Variants in ARSK observed in about 807,000 individuals in gnomAD.
ARSK encodes arylsulfatase family member K.
In ARSK, 37 loss-of-function variants were observed where a neutral mutation model predicts 53.2. The observed-to-expected ratio is 0.70, with a 90% CI of 0.54 to 0.92. The LOEUF is 0.92. ARSK is among the 40% of genes least tolerant of loss of function. The probability of loss-of-function intolerance (pLI) is 0.00; values close to 1 mark genes in which losing one functional copy is unlikely to be tolerated. For missense variants in ARSK, 613 were observed against 643.0 expected, an observed-to-expected ratio of 0.95 and a Z score of 0.51; for synonymous variants, 208 against 223.2, an observed-to-expected ratio of 0.93 and a Z score of 0.61.
intron 3 of ARSK, among the ~76,000 whole-genome samples, chr5:95,578,129 ATG>A (rs1209969670): frequency 6.6e-6 from 1 of 152,004 alleles, no homozygotes; most frequent in African/African-American, 2.4e-5. Flanking sequence ...TAAAAATTGT[ATG>A]TGTGTTTCTC....
chr5:95,586,453 TCTA>T, intron 4 of ARSK, 106 bp from the exon 5 acceptor site: 1 of 844,214 alleles, frequency 1.2e-6, no homozygotes, highest in Non-Finnish European at 1.9e-6. Flanking sequence ...ACTGTTCTTT[TCTA>T]CTATTCTAAG....
chr5:95,573,883 T>C (rs369487487), intron 3 of ARSK, among the ~76,000 whole-genome samples: 22 of 152,360 alleles, frequency 1.4e-4, no homozygotes, highest in African/African-American at 4.1e-4. Flanking sequence ...AATCCAATTA[T>C]ACTCTTAGTC....
intron 5 of ARSK, among the ~76,000 whole-genome samples, chr5:95,590,758 C>T (rs1270073873): frequency 2.0e-5 from 3 of 152,128 alleles, no homozygotes; most frequent in African/African-American, 4.8e-5. Flanking sequence ...GGAGGAAGTT[C>T]GAGAACACTG....
rs1018037143 is a variant in ARSK, at chr5:95,585,519, G to A, written c.700-1043G>A. Among the ~76,000 whole-genome samples, 4 of 152,218 alleles carry A rather than the reference G, an allele frequency of 2.6e-5. No homozygotes were observed. The South Asian group carries it at 6.2e-4, about 24-fold the overall frequency. On this transcript the variant is annotated intron_variant, in intron 4 of 7. Coordinates refer to ENST00000380009, the MANE Select transcript of ARSK (RefSeq NM_198150.3). ...AGGAATGAATCATTTGCAGCAACCC[G>A]GATGAAATTGGAGACCGTTATTCTA...
Position 95,568,118 on chromosome 5 carries a change from A to T in ARSK, c.416+69A>T. 2.8e-6 allele frequency: 4 copies of T among 1,440,234 alleles called. No individual in the cohort carries two copies. In the South Asian group the frequency reaches 6.3e-5, roughly 23 times the overall value. 89.2% of individuals were successfully genotyped at this position (1,440,234 alleles called of 1,614,324 possible). A position where few individuals can be genotyped will look rare whatever the true frequency, so the allele number is the denominator to read the frequency against. On this transcript the variant is annotated intron_variant, in intron 3 of 7. Transcript: ENST00000380009. The stretch of plus-strand genomic sequence containing the variant: ...ATAGCGTGTACATGTACTCTTTTTG[A>T]CTTTAATTTTTTTATTTTTCCACAA...
intron 6 of ARSK, among the ~76,000 whole-genome samples, chr5:95,599,842 C>T (rs896371503): frequency 2.0e-5 from 3 of 152,094 alleles, no homozygotes; most frequent in Non-Finnish European, 4.4e-5. Context: ...CAAAGATAGT[C>T]AAGTTAAATT....
At position 95,601,004 on chromosome 5, in the gene ARSK, G is replaced by T. The variant is rs778009188; in HGVS notation, c.1254G>T (p.Met418Ile). 10 of 1,613,944 alleles carry T rather than the reference G, an allele frequency of 6.2e-6. No homozygotes were observed. In the East Asian group the frequency reaches 8.9e-5, roughly 14 times the overall value. The change falls in exon 7 of 8, where the codon ATG becomes ATT. Residue 418 changes from methionine to isoleucine, a missense_variant. Transcript: ENST00000380009. ...HGCNVNASTYMLRTNHWKYIA... is the reference protein window; with the variant it reads ...HGCNVNASTYILRTNHWKYIA... ...GTAATGTGAATGCCTCCACCTACATGCTTCGAACTAACCACTGGAAATATA... is the reference window on the plus strand; with the variant it reads ...GTAATGTGAATGCCTCCACCTACATTCTTCGAACTAACCACTGGAAATATA...
At chr5:95,593,609 T>C (rs1463597024) in intron 6 of ARSK, among the ~76,000 whole-genome samples, 1 of 152,236 alleles carries the variant, frequency 6.6e-6, no homozygotes, top group Non-Finnish European at 1.5e-5. Flanking sequence ...GATTTCATAA[T>C]GTATTTAACA....
intron 7 of ARSK, among the ~76,000 whole-genome samples, chr5:95,602,175 G>T (rs1292551953): frequency 3.3e-5 from 5 of 152,092 alleles, no homozygotes; most frequent in Non-Finnish European, 7.4e-5. Flanking sequence ...ATGTTTCTGG[G>T]ACTTTTTCAT....
chr5:95,600,778 C>G, intron 6 of ARSK, 69 bp from the exon 7 acceptor site: 1 of 1,373,562 alleles, frequency 7.3e-7, no homozygotes, highest in African/African-American at 1.4e-5. Context: ...GTGAATGATG[C>G]TATTTGTGAA....
chr5:95,598,690 G>A (rs1331407505), intron 6 of ARSK, among the ~76,000 whole-genome samples: 1 of 152,158 alleles, frequency 6.6e-6, no homozygotes, highest in Non-Finnish European at 1.5e-5. Flanking sequence ...TAAAAATTCA[G>A]TGTCTTTAAT....
intron 3 of ARSK, among the ~76,000 whole-genome samples, chr5:95,573,428 A>G (rs1443005901): frequency 6.6e-6 from 1 of 152,236 alleles, no homozygotes; most frequent in African/African-American, 2.4e-5. Context: ...AAGTAAAATC[A>G]GGTATTTGTA....
At chr5:95,559,693 A>G (rs923825752) in intron 1 of ARSK, among the ~76,000 whole-genome samples, 1 of 152,200 alleles carries the variant, frequency 6.6e-6, no homozygotes, top group Admixed American at 6.5e-5. Flanking sequence ...CTGGCTAGAA[A>G]TAGAAGGGAA....
rs751437998 is a variant in ARSK at position 95,603,406 on chromosome 5, G to A, written c.1491G>A (p.Gln497=). 1 of 1,613,686 alleles carries A rather than the reference G, an allele frequency of 6.2e-7. No homozygotes were observed. Among genetic ancestry groups the A allele is most frequent in the Non-Finnish European group, 8.5e-7 (1 of 1,179,798 alleles). ...TCAAGTGGAAACAAAGTATAGGACAGAATTATTCAAACGTTATAGCAAATC... is the reference window on the plus strand; with the variant it reads ...TCAAGTGGAAACAAAGTATAGGACAAAATTATTCAAACGTTATAGCAAATC... ...QFIKWKQSIG[Q]NYSNVIANLR... The change falls in exon 8 of 8, where the codon CAG becomes CAA. Residue 497 remains glutamine (Q), a synonymous_variant. Transcript: ENST00000380009.
intron 1 of ARSK, chr5:95,556,546 G>A (rs1262494541): frequency 3.1e-6 from 1 of 319,646 alleles, no homozygotes. Context: ...GGGGCATGGT[G>A]TTGGGCAAAG....
intron 6 of ARSK, among the ~76,000 whole-genome samples, chr5:95,599,873 T>G (rs939201404): frequency 2.6e-5 from 4 of 152,228 alleles, no homozygotes; most frequent in Non-Finnish European, 4.4e-5. Flanking sequence ...TTCAATTTGG[T>G]TTAATTTCTA....
rs780279902 is a variant in ARSK at position 95,582,785 on chromosome 5, A to G, written c.417-131A>G. 4.7e-6 allele frequency: 4 copies of G among 855,486 alleles called. No individual in the cohort carries two copies. The African/African-American group carries it at 5.1e-5, about 11-fold the overall frequency. The allele number at this position is 855,486 out of a possible 1,614,324, so 53.0% of individuals were successfully genotyped here. On this transcript the variant is annotated intron_variant, in intron 3 of 7. Transcript: ENST00000380009. ...AATAACTTTCTTTTTGAGATCTAAT[A>G]TAGTTATTCTGAACATTTACAAGAC... is the stretch of plus-strand genomic sequence containing the variant.
rs1748492064 is a variant in ARSK at position 95,555,914 on chromosome 5, T to TC, written c.126+515dup. The stretch of plus-strand genomic sequence containing the variant: ...GAATCGTTGGTATAACTTGATTCAC[T>TC]CCCCCGTATTCCAGAGAAATTGTGT... On this transcript the variant is annotated intron_variant, in intron 1 of 7. Coordinates refer to ENST00000380009, the MANE Select transcript of ARSK (RefSeq NM_198150.3). This position sits in a 1 kb window ranked among gnomAD's most constrained non-coding sequence, Gnocchi z 4.0. Among the ~76,000 whole-genome samples, 1 of 152,306 alleles carries TC rather than the reference T, an allele frequency of 6.6e-6. No homozygotes were observed. Among genetic ancestry groups the TC allele is most frequent in the South Asian group, 2.1e-4 (1 of 4,818 alleles).
At chr5:95,593,840 AATTCTCTAAAACT>A (rs1165994034) in intron 6 of ARSK, among the ~76,000 whole-genome samples, 1 of 152,132 alleles carries the variant, frequency 6.6e-6, no homozygotes, top group Non-Finnish European at 1.5e-5. Context: ...CAATTATTAT[AATTCTCTAAAACT>A]ATAGTTTTAT....
Sources: gnomAD v4.1 joint callset for allele counts (sites outside exome capture counted in the v4.1 genomes callset) on GRCh38, gnomAD v4.1.1 for gene constraint, Gnocchi (gnomAD v3.1) non-coding constraint, MANE v1.5 for transcripts, NCBI Gene and HGNC (gene_info 2026-07-23, HGNC 2026-07-21) for gene names.